The following AKAIN1 variants were observed in gnomAD, a reference collection of about 807,000 sequenced individuals.
AKAIN1 encodes the protein A-kinase anchor inhibitor 1.
In AKAIN1, 3 loss-of-function variants were observed where a neutral mutation model predicts 3.7. The ratio of observed to expected loss-of-function variants is 0.82; its 90% CI spans 0.37 to 2.12. AKAIN1 has a LOEUF of 2.12. Ranked by LOEUF, AKAIN1 falls within the 30% of genes most tolerant of loss-of-function variation. AKAIN1 has a pLI of 0.06. For synonymous variants in AKAIN1, 31 were observed against 30.8 expected (o/e 1.01, Z -0.02); for missense variants, 82 against 82.7 (o/e 0.99, Z 0.03).
intron 1 of AKAIN1, among the ~76,000 whole-genome samples, chr18:5,153,771 A>T (rs181338666): frequency 5.9e-5 from 9 of 152,220 alleles, no homozygotes; most frequent in Non-Finnish European, 1.3e-4. Context: ...CATAGAATGT[A>T]CAACACCAAG....
At chr18:5,191,264 C>A (rs113386653) in intron 1 of AKAIN1, among the ~76,000 whole-genome samples, 1 of 152,174 alleles carries the variant, frequency 6.6e-6, no homozygotes, top group African/African-American at 2.4e-5. Context: ...AAGGAATCTA[C>A]AACTTATCTC....
intron 1 of AKAIN1, among the ~76,000 whole-genome samples, chr18:5,153,493 A>G (rs559138824): frequency 4.6e-5 from 7 of 151,494 alleles, no homozygotes; most frequent in Non-Finnish European, 7.3e-5. Context: ...GATATATGGA[A>G]CACCTGATTT....
rs2071038675 is a variant in AKAIN1 at position 5,144,682 on chromosome 18, G to A, written c.*880C>T. On this transcript the variant is annotated 3_prime_UTR_variant, in exon 2 of 2. Coordinates refer to ENST00000434239, the MANE Select transcript of AKAIN1 (RefSeq NM_001145194.2). Reference sequence around the variant, plus strand: ...CTAGTGGCAAAACAGCATTCGTTAAGGACCCCAGAATCCCTTCCAAGGATG... The same window carrying A: ...CTAGTGGCAAAACAGCATTCGTTAAAGACCCCAGAATCCCTTCCAAGGATG... Among the ~76,000 whole-genome samples, 1 of 152,174 alleles carries A rather than the reference G, an allele frequency of 6.6e-6. No individual in the cohort carries two copies. The highest frequency in any genetic ancestry group is 1.5e-5 in the Non-Finnish European group (1 of 68,034).
intron 1 of AKAIN1, among the ~76,000 whole-genome samples, chr18:5,190,979 C>G (rs2071315177): frequency 2.0e-5 from 3 of 152,070 alleles, no homozygotes; most frequent in Non-Finnish European, 4.4e-5. Context: ...TATTCAACAT[C>G]TATTGATGAT....
At chr18:5,182,441 G>T (rs919794605) in intron 1 of AKAIN1, among the ~76,000 whole-genome samples, 2 of 152,022 alleles carry the variant, frequency 1.3e-5, no homozygotes, top group African/African-American at 2.4e-5. Flanking sequence ...CAGATATTAT[G>T]ATATTCATTT....
intron 1 of AKAIN1, among the ~76,000 whole-genome samples, chr18:5,180,004 A>G (rs1483948143): frequency 6.6e-6 from 1 of 152,080 alleles, no homozygotes; most frequent in Non-Finnish European, 1.5e-5. Context: ...TTATCAGTTG[A>G]AAAGGGTTTC....
chr18:5,182,147 C>T (rs764369776), intron 1 of AKAIN1, among the ~76,000 whole-genome samples: 4 of 152,160 alleles, frequency 2.6e-5, no homozygotes, highest in Non-Finnish European at 5.9e-5. Flanking sequence ...ACTCAGACAT[C>T]TGCTTTATCA....
At chr18:5,180,799 A>G (rs894160279) in intron 1 of AKAIN1, among the ~76,000 whole-genome samples, 1 of 152,142 alleles carries the variant, frequency 6.6e-6, no homozygotes, top group Non-Finnish European at 1.5e-5. Flanking sequence ...GAATAAGTGC[A>G]CAAGAATGTT....
At chr18:5,174,768 C>A (rs2071216771) in intron 1 of AKAIN1, among the ~76,000 whole-genome samples, 1 of 152,062 alleles carries the variant, frequency 6.6e-6, no homozygotes. Flanking sequence ...GCAATTGTCT[C>A]AGATGGAGTG....
chr18:5,145,539 T>A lies in AKAIN1; in HGVS notation c.*23A>T. 7.1e-6 allele frequency: 11 copies of A among 1,546,262 alleles called. No homozygotes were observed. Among genetic ancestry groups the A allele is most frequent in the Non-Finnish European group, 9.6e-6 (11 of 1,143,716 alleles). On this transcript the variant is annotated 3_prime_UTR_variant, in exon 2 of 2. Transcript: ENST00000434239. ...AGAGGAAGGCTAGAAACCAAGCACA[T>A]GTCAAGAGCCAAATCCACCATGTTA...
chr18:5,166,854 A>G (rs1338454455), intron 1 of AKAIN1, among the ~76,000 whole-genome samples: 1 of 152,120 alleles, frequency 6.6e-6, no homozygotes, highest in East Asian at 1.9e-4. Context: ...TCAGTTGTAG[A>G]CACTTTTTAA....
intron 1 of AKAIN1, among the ~76,000 whole-genome samples, chr18:5,148,718 G>T (rs142638955): frequency 2.0e-5 from 3 of 152,040 alleles, no homozygotes; most frequent in African/African-American, 7.2e-5. Flanking sequence ...TTAGTCTGGC[G>T]TGGTGGCGAG....
At position 5,145,745 on chromosome 18, in the gene AKAIN1, A is replaced by C. The variant is rs1369825147; in HGVS notation, c.27T>G (p.Pro9=). 1 of 1,550,282 alleles carries C rather than the reference A, an allele frequency of 6.5e-7. No homozygotes were observed. Among genetic ancestry groups the C allele is most frequent in the Non-Finnish European group, 8.7e-7 (1 of 1,145,992 alleles). The change falls in exon 2 of 2, where the codon CCT becomes CCG. Residue 9 remains proline, a synonymous_variant. Coordinates refer to ENST00000434239, the MANE Select transcript of AKAIN1 (RefSeq NM_001145194.2). MVFAPGEK[P]GNEPEEVKLQ... is the part of the protein sequence containing the mutation. ...GCTTCACCTCTTCAGGCTCATTTCC[A>C]GGTTTCTCACCTAGCCAAAAACATG...
intron 1 of AKAIN1, among the ~76,000 whole-genome samples, chr18:5,194,568 C>T (rs1216928291): frequency 3.3e-5 from 5 of 152,146 alleles, no homozygotes; most frequent in African/African-American, 4.8e-5. Context: ...TTCACCTTTG[C>T]CTTTAAGGTA....
In AKAIN1 at chr18:5,196,908, A is replaced by G; in HGVS notation, c.16+130T>C. On this transcript the variant is annotated intron_variant, in intron 1 of 1. Coordinates refer to ENST00000434239, the MANE Select transcript of AKAIN1 (RefSeq NM_001145194.2). The stretch of plus-strand genomic sequence containing the variant: ...ACGCGCCGAGGCACTCCTCCGCCCC[A>G]TGAGCACAGACAGTAACTCCGAAAC... 5.8e-6 allele frequency: 5 copies of G among 855,828 alleles called. No homozygotes were observed. In the South Asian group the frequency reaches 7.6e-5, roughly 13 times the overall value. The allele number at this position is 855,828 out of a possible 1,614,324, so 53.0% of individuals were successfully genotyped here. A position where few individuals can be genotyped will look rare whatever the true frequency, so the allele number is the denominator to read the frequency against.
chr18:5,157,858 A>T lies in AKAIN1; in HGVS notation c.17-12103T>A, dbSNP rs539108574. ...TGCTACGACCACCAGCTAATTTTTT[A>T]AATTTTTAATCTTTTTGCAGAGATA... On this transcript the variant is annotated intron_variant, in intron 1 of 1. Coordinates refer to ENST00000434239, the MANE Select transcript of AKAIN1 (RefSeq NM_001145194.2). Among the ~76,000 whole-genome samples, 193 of 152,138 alleles carry T rather than the reference A, an allele frequency of 1.3e-3. 1 individual carries two copies. The highest frequency in any genetic ancestry group is 1.8e-3 in the Non-Finnish European group (120 of 67,978).
At chr18:5,165,650 T>C (rs1160658363) in intron 1 of AKAIN1, among the ~76,000 whole-genome samples, 1 of 151,964 alleles carries the variant, frequency 6.6e-6, no homozygotes, top group Non-Finnish European at 1.5e-5. Context: ...CCTTAACAGA[T>C]ATGCTAAGAA....
intron 1 of AKAIN1, among the ~76,000 whole-genome samples, chr18:5,162,959 G>T (rs1220446893): frequency 1.3e-5 from 2 of 151,908 alleles, no homozygotes; most frequent in Non-Finnish European, 2.9e-5. Context: ...TAGTTACAAT[G>T]AAGATTCTCA....
chr18:5,181,730 A>G (rs2071259740), intron 1 of AKAIN1, among the ~76,000 whole-genome samples: 1 of 152,106 alleles, frequency 6.6e-6, no homozygotes, highest in East Asian at 1.9e-4. Flanking sequence ...ATCCCTAGCT[A>G]GTGACTGCAT....
Sources: allele counts gnomAD v4.1 joint callset (sites outside exome capture counted in the v4.1 genomes callset), GRCh38; gene constraint gnomAD v4.1.1; transcripts MANE v1.5; gene names NCBI Gene and HGNC (gene_info 2026-07-23, HGNC 2026-07-21).